The following ABI1 variants were observed in gnomAD, a reference collection of about 807,000 sequenced individuals.
ABI1 encodes abl interactor 1.
In ABI1, 14 loss-of-function variants were observed where a neutral mutation model predicts 54.6. The observed-to-expected ratio is 0.26, with a 90% CI of 0.17 to 0.40. The LOEUF (loss-of-function observed/expected upper bound fraction) is 0.40, where lower values mean the gene tolerates loss of function less well. Among genes scored for constraint, ABI1 ranks in the 10% least tolerant of loss-of-function variants. The probability of loss-of-function intolerance (pLI) is 1.00; values close to 1 mark genes in which losing one functional copy is unlikely to be tolerated. For missense variants in ABI1, 443 were observed against 598.3 expected (o/e 0.74, Z 2.71); for synonymous variants, 194 against 209.3 (o/e 0.93, Z 0.63).
In ABI1 at chr10:26,811,434, A is replaced by G. The variant is rs572317415; in HGVS notation, c.285+11704T>C. On this transcript the variant is annotated intron_variant, in intron 2 of 10. Transcript: ENST00000376140. ...CAAGCATGCTTAATTAATCTGAAAT[A>G]ATAAAAGGTGTCCTCCTTCCAAAGA... 1.7e-3 allele frequency among the ~76,000 whole-genome samples: 266 copies of G among 152,290 alleles called. 1 individual carries two copies. Among genetic ancestry groups the G allele is most frequent in the African/African-American group, 6.2e-3 (256 of 41,588 alleles).
chr10:26,754,149 C>T (rs1283074245), intron 9 of ABI1, among the ~76,000 whole-genome samples: 1 of 152,086 alleles, frequency 6.6e-6, no homozygotes, highest in East Asian at 1.9e-4. Context: ...TCCATCCATC[C>T]ATGCATTTAT....
chr10:26,782,056 G>C (rs1842180215), intron 2 of ABI1, among the ~76,000 whole-genome samples: 2 of 152,186 alleles, frequency 1.3e-5, no homozygotes, highest in Non-Finnish European at 2.9e-5. Flanking sequence ...CAGATTGGTT[G>C]CATCAGACAA....
At chr10:26,816,259 C>T (rs1564534374) in intron 2 of ABI1, among the ~76,000 whole-genome samples, 3 of 152,102 alleles carry the variant, frequency 2.0e-5, no homozygotes, top group South Asian at 4.1e-4. Context: ...AGGTGAAATT[C>T]GAATTGAATG....
chr10:26,844,992 T>C (rs1430039310), intron 1 of ABI1, among the ~76,000 whole-genome samples: 3 of 152,094 alleles, frequency 2.0e-5, no homozygotes, highest in Non-Finnish European at 4.4e-5. Context: ...CCAAAGCACA[T>C]CCTTTGTACA....
chr10:26,838,474 T>G (rs1264089857), intron 1 of ABI1, among the ~76,000 whole-genome samples: 2 of 152,126 alleles, frequency 1.3e-5, no homozygotes, highest in Non-Finnish European at 2.9e-5. Context: ...TAAAGGTGAG[T>G]AAGCCTACGA....
intron 1 of ABI1, among the ~76,000 whole-genome samples, chr10:26,855,106 C>T (rs1006493855): frequency 2.0e-5 from 3 of 151,910 alleles, no homozygotes; most frequent in East Asian, 3.8e-4. Flanking sequence ...GCAAACATTC[C>T]AAAATTCAAA....
At chr10:26,750,915 C>G (rs10764639) in intron 10 of ABI1, among the ~76,000 whole-genome samples, 87,386 of 151,974 alleles carry the variant, frequency 0.58, 27,038 homozygotes, top group African/African-American at 0.82. Flanking sequence ...CTGATAATTT[C>G]TCTTGTGTTT....
intron 1 of ABI1, among the ~76,000 whole-genome samples, chr10:26,859,162 A>G (rs1195963639): frequency 2.6e-5 from 4 of 152,248 alleles, no homozygotes; most frequent in Non-Finnish European, 5.9e-5. Flanking sequence ...GGCTAAATAT[A>G]AAGTTTGCAC....
intron 2 of ABI1, among the ~76,000 whole-genome samples, chr10:26,801,383 C>A (rs555063317): frequency 2.0e-5 from 3 of 152,008 alleles, no homozygotes; most frequent in Admixed American, 6.6e-5. Flanking sequence ...CCTGTCTCTA[C>A]AAAAAATACA....
Position 26,839,666 on chromosome 10 carries a change from A to T in ABI1, c.118-16361T>A, listed in dbSNP as rs201459507. ...TACTTCTGTTTAAAAAAAAAAAAAAACATGCCAGGCTTGGTGGCTCACACC... is the reference window on the plus strand; with the variant it reads ...TACTTCTGTTTAAAAAAAAAAAAAATCATGCCAGGCTTGGTGGCTCACACC... On this transcript the variant is annotated intron_variant, in intron 1 of 10. Transcript: ENST00000376140. 3,772 of 630,320 alleles carry T rather than the reference A, an allele frequency of 6.0e-3. 9 individuals are homozygous for T. Among genetic ancestry groups the T allele is most frequent in the South Asian group, 0.015 (820 of 54,810 alleles). The allele number at this position is 630,320 out of a possible 1,614,324, so 39.0% of individuals were successfully genotyped here.
intron 1 of ABI1, among the ~76,000 whole-genome samples, chr10:26,851,078 C>A (rs2050347474): frequency 6.6e-6 from 1 of 151,876 alleles, no homozygotes; most frequent in East Asian, 1.9e-4. Context: ...AAAAAAAGCA[C>A]ATGAGAACTA....
At chr10:26,838,369 C>T (rs573703872) in intron 1 of ABI1, among the ~76,000 whole-genome samples, 35 of 152,186 alleles carry the variant, frequency 2.3e-4, no homozygotes, top group African/African-American at 8.4e-4. Context: ...CTTCATTTTA[C>T]CTAATGTTCT....
intron 1 of ABI1, among the ~76,000 whole-genome samples, chr10:26,841,601 T>C (rs945403072): frequency 2.6e-5 from 4 of 152,134 alleles, no homozygotes; most frequent in African/African-American, 9.7e-5. Flanking sequence ...CCCCACCCAC[T>C]TGCTCCTGGT....
intron 1 of ABI1, among the ~76,000 whole-genome samples, chr10:26,831,257 A>G (rs2048653026): frequency 6.6e-6 from 1 of 152,056 alleles, no homozygotes; most frequent in South Asian, 2.1e-4. Context: ...AATACAAAAC[A>G]TGTGGCTGGG....
At chr10:26,763,849 T>C (rs193032056) in intron 7 of ABI1, 1 of 1,578,114 alleles carries the variant, frequency 6.3e-7, no homozygotes, top group East Asian at 2.2e-5. Flanking sequence ...GTAAAGTGAG[T>C]TCAATGGCTC....
chr10:26,783,386 T>C (rs958474716), intron 2 of ABI1, among the ~76,000 whole-genome samples: 1 of 152,192 alleles, frequency 6.6e-6, no homozygotes, highest in East Asian at 1.9e-4. Context: ...TGCTCAACAT[T>C]GTAACTATAC....
intron 1 of ABI1, chr10:26,839,932 G>A (rs10829093): frequency 0.24 from 141,530 of 580,834 alleles, 19,773 homozygotes; most frequent in South Asian, 0.41. Context: ...TGGGACCACA[G>A]TGAGCTATGA....
In ABI1 at chr10:26,751,531, C is replaced by A. The variant is rs2132415850; in HGVS notation, c.1270+67G>T. ...GCTGAGAAACATTGGATTAGATGTTCTTTATAGTTCTAAATTTCTACAATT... is the reference window on the plus strand; with the variant it reads ...GCTGAGAAACATTGGATTAGATGTTATTTATAGTTCTAAATTTCTACAATT... On this transcript the variant is annotated intron_variant, in intron 10 of 10. Coordinates refer to ENST00000376140, the MANE Select transcript of ABI1 (RefSeq NM_001012750.3). 2.0e-6 allele frequency: 3 copies of A among 1,491,118 alleles called. No homozygotes were observed. The Admixed American group carries it at 6.2e-5, about 31-fold the overall frequency. The allele number at this position is 1,491,118 out of a possible 1,614,324, so 92.4% of individuals were successfully genotyped here. A position where few individuals can be genotyped will look rare whatever the true frequency, so the allele number is the denominator to read the frequency against.
intron 2 of ABI1, among the ~76,000 whole-genome samples, chr10:26,817,714 A>G (rs1008623530): frequency 6.6e-6 from 1 of 152,214 alleles, no homozygotes; most frequent in African/African-American, 2.4e-5. Flanking sequence ...TATCTTATGC[A>G]TATTCTGCCA....
Sources: allele counts gnomAD v4.1 joint callset (sites outside exome capture counted in the v4.1 genomes callset), GRCh38; gene constraint gnomAD v4.1.1; transcripts MANE v1.5; gene names NCBI Gene and HGNC (gene_info 2026-07-23, HGNC 2026-07-21).